The following DPP10 variants were observed in gnomAD, a reference collection of about 807,000 sequenced individuals.
The protein encoded by DPP10 is dipeptidyl peptidase like 10, also known as inactive dipeptidyl peptidase 10.
Under a neutral mutation model 120.9 loss-of-function variants are expected in DPP10, and 33 were observed. The ratio of observed to expected loss-of-function variants is 0.27; its 90% CI spans 0.21 to 0.37. The LOEUF is 0.37. Ranked by LOEUF, DPP10 falls within the 10% of genes least tolerant of loss-of-function variation. DPP10 has a pLI of 1.00. For missense variants in DPP10, 816 were observed against 942.8 expected (o/e 0.87, Z 1.76); for synonymous variants, 337 against 326.1 (o/e 1.03, Z -0.36).
At chr2:115,792,330 T>G (rs1231013446) in intron 19 of DPP10, among the ~76,000 whole-genome samples, 3 of 152,166 alleles carry the variant, frequency 2.0e-5, no homozygotes, top group African/African-American at 7.2e-5. Flanking sequence ...ACACATATGA[T>G]TCTTATAATT....
At chr2:115,517,125 A>G (rs1482202891) in intron 4 of DPP10, among the ~76,000 whole-genome samples, 2 of 152,114 alleles carry the variant, frequency 1.3e-5, no homozygotes, top group Non-Finnish European at 2.9e-5. Context: ...ATATACCATA[A>G]GGAAGCAATT....
intron 1 of DPP10, among the ~76,000 whole-genome samples, chr2:114,997,512 G>A (rs146539907): frequency 5.6e-4 from 84 of 148,732 alleles, no homozygotes; most frequent in African/African-American, 1.2e-3. Context: ...AAAAAAAAAA[G>A]AAAAAAATTC....
intron 5 of DPP10, among the ~76,000 whole-genome samples, chr2:115,646,296 T>C (rs1248611880): frequency 6.6e-6 from 1 of 152,116 alleles, no homozygotes; most frequent in Non-Finnish European, 1.5e-5. Context: ...AAATTAAAAA[T>C]AGCATGTTCT....
At chr2:115,229,864 CTT>C (rs749155120) in intron 1 of DPP10, among the ~76,000 whole-genome samples, 6 of 139,026 alleles carry the variant, frequency 4.3e-5, no homozygotes, top group Admixed American at 1.5e-4. Context: ...TCTTTTCTTT[CTT>C]TTTTTTTTTT....
At chr2:114,959,152 G>A (rs1046376114) in intron 1 of DPP10, among the ~76,000 whole-genome samples, 19 of 152,020 alleles carry the variant, frequency 1.2e-4, no homozygotes, top group African/African-American at 3.4e-4. Flanking sequence ...TCCACCTCCC[G>A]GTTCAAGCAA....
At chr2:115,415,561 G>A (rs1435892921) in intron 3 of DPP10, among the ~76,000 whole-genome samples, 1 of 152,038 alleles carries the variant, frequency 6.6e-6, no homozygotes, top group African/African-American at 2.4e-5. Flanking sequence ...ATACGGGAAA[G>A]CTTGCCAAGT....
intron 1 of DPP10, among the ~76,000 whole-genome samples, chr2:114,582,956 A>G (rs1013386609): frequency 1.1e-4 from 16 of 152,178 alleles, no homozygotes; most frequent in African/African-American, 3.6e-4. Context: ...GTGATGGCAT[A>G]CATAGCTAAG....
chr2:115,088,714 G>A (rs1196161746), intron 1 of DPP10, among the ~76,000 whole-genome samples: 9 of 114,804 alleles, frequency 7.8e-5, no homozygotes, highest in South Asian at 3.0e-4. Context: ...CCAAAGTGCC[G>A]GGATTAGGAT....
At chr2:115,561,125 G>A (rs532332819) in intron 5 of DPP10, among the ~76,000 whole-genome samples, 1 of 152,216 alleles carries the variant, frequency 6.6e-6, no homozygotes, top group Non-Finnish European at 1.5e-5. Context: ...AAGGCGGGTG[G>A]ATTGTCTGAG....
In DPP10 at chr2:115,046,185, A is replaced by C. The variant is rs186063706; in HGVS notation, c.61-263054A>C. ...ACCAAGGTGTAAGCAACTTAAAATTATTTCCATCTGTAAAATTATCATTTC... is the reference window on the plus strand; with the variant it reads ...ACCAAGGTGTAAGCAACTTAAAATTCTTTCCATCTGTAAAATTATCATTTC... On this transcript the variant is annotated intron_variant, in intron 1 of 25. Transcript: ENST00000410059. Among the ~76,000 whole-genome samples the C allele has an allele frequency of 2.2e-4, 34 of 152,328 alleles. 1 individual carries two copies. Among genetic ancestry groups the C allele is most frequent in the African/African-American group, 8.2e-4 (34 of 41,588 alleles).
chr2:115,597,668 T>C (rs2083072016), intron 5 of DPP10, among the ~76,000 whole-genome samples: 1 of 151,782 alleles, frequency 6.6e-6, no homozygotes, highest in Non-Finnish European at 1.5e-5. Flanking sequence ...GATTTCTAAC[T>C]GTAGTGCTCA....
At chr2:114,685,171 C>T (rs1355145130) in intron 1 of DPP10, among the ~76,000 whole-genome samples, 4 of 151,870 alleles carry the variant, frequency 2.6e-5, no homozygotes, top group Non-Finnish European at 5.9e-5. Context: ...CTCTTCCTAG[C>T]TGTGAAATAT....
intron 3 of DPP10, among the ~76,000 whole-genome samples, chr2:115,483,152 C>G (rs115892667): frequency 6.6e-6 from 1 of 152,006 alleles, no homozygotes; most frequent in East Asian, 1.9e-4. Flanking sequence ...ATGGTAGTTA[C>G]GTTACCTCCA....
intron 21 of DPP10, among the ~76,000 whole-genome samples, chr2:115,818,458 C>A (rs574184334): frequency 1.3e-5 from 2 of 152,064 alleles, no homozygotes; most frequent in Non-Finnish European, 2.9e-5. Context: ...CATAAAGGAC[C>A]AAATAAGCTT....
At chr2:115,399,752 A>G (rs1168609190) in intron 3 of DPP10, among the ~76,000 whole-genome samples, 6 of 152,170 alleles carry the variant, frequency 3.9e-5, no homozygotes, top group African/African-American at 1.4e-4. Flanking sequence ...TCTTCCAAGT[A>G]TTTTATAAAA....
chr2:114,497,310 CATGTACATGTATACGTGTATACATGT>C (rs1558814142), intron 1 of DPP10, among the ~76,000 whole-genome samples: 30 of 48,430 alleles, frequency 6.2e-4, no homozygotes, highest in African/African-American at 1.3e-3. Flanking sequence ...TACGTGTATA[CATGTACATGTATACGTGTATACATGT>C]ACATATACAT....
chr2:115,489,611 C>A (rs1253198335), intron 3 of DPP10, among the ~76,000 whole-genome samples: 1 of 148,816 alleles, frequency 6.7e-6, no homozygotes. Flanking sequence ...GTAAAACTGG[C>A]GCTTTTTTTT....
At chr2:114,931,063 C>T (rs922113036) in intron 1 of DPP10, among the ~76,000 whole-genome samples, 1 of 152,092 alleles carries the variant, frequency 6.6e-6, no homozygotes, top group Non-Finnish European at 1.5e-5. Context: ...AAGAAGTTTC[C>T]AACTTTCTCT....
intron 1 of DPP10, among the ~76,000 whole-genome samples, chr2:114,512,120 A>G (rs1684196409): frequency 6.6e-6 from 1 of 152,220 alleles, no homozygotes; most frequent in South Asian, 2.1e-4. Context: ...AAATAAGAAA[A>G]TAGCATAGTA....
Sources: allele counts gnomAD v4.1 joint callset (sites outside exome capture counted in the v4.1 genomes callset), GRCh38; gene constraint gnomAD v4.1.1; transcripts MANE v1.5; gene names NCBI Gene and HGNC (gene_info 2026-07-23, HGNC 2026-07-21).